The following DHRS3 variants were observed in gnomAD, a reference collection of about 807,000 sequenced individuals.
DHRS3 encodes the protein dehydrogenase/reductase 3.
DHRS3 carries 14 observed loss-of-function variants against 27.2 expected under a neutral mutation model. That is an observed-to-expected ratio of 0.52 (90% confidence interval 0.34 to 0.81). The LOEUF is 0.81. Among genes scored for constraint, DHRS3 ranks in the 30% least tolerant of loss-of-function variants. DHRS3 has a pLI of 0.01. For synonymous variants in DHRS3, 165 were observed against 175.9 expected, an observed-to-expected ratio of 0.94 and a Z score of 0.49; for missense variants, 322 against 406.2, an observed-to-expected ratio of 0.79 and a Z score of 1.78.
At chr1:12,575,906 C>G (rs995100727) in intron 4 of DHRS3, among the ~76,000 whole-genome samples, 2 of 152,028 alleles carry the variant, frequency 1.3e-5, no homozygotes, top group African/African-American at 2.4e-5. Flanking sequence ...AGGGTTTCAC[C>G]GTGTTGGCCA....
intron 1 of DHRS3, among the ~76,000 whole-genome samples, chr1:12,613,378 C>T (rs1232308184): frequency 6.6e-6 from 1 of 152,196 alleles, no homozygotes; most frequent in Non-Finnish European, 1.5e-5. Context: ...TGTGCCTTCA[C>T]TGTAAGCACC....
At chr1:12,589,005 G>A (rs181047101) in intron 1 of DHRS3, among the ~76,000 whole-genome samples, 19 of 152,360 alleles carry the variant, frequency 1.2e-4, no homozygotes, top group African/African-American at 4.6e-4. Flanking sequence ...TGGGCGGTGG[G>A]GTGGGAAGGT....
rs144047464 is a variant in DHRS3 at position 12,592,073 on chromosome 1, A to AG, written c.196-11408dup. On this transcript the variant is annotated intron_variant, in intron 1 of 5. Coordinates refer to ENST00000616661, the MANE Select transcript of DHRS3 (RefSeq NM_004753.7). The surrounding 1 kb of genome is among the most constrained non-coding windows in gnomAD (Gnocchi z 4.2). The stretch of plus-strand genomic sequence containing the variant: ...GTGCCCAGGGCTGGTGTTTGCTGTG[A>AG]GGGGGTATGGGGTTTGCCTGGAGCA... 9.7e-3 allele frequency among the ~76,000 whole-genome samples: 1,474 copies of AG among 152,112 alleles called. 25 individuals carry two copies. The highest frequency in any genetic ancestry group is 0.034 in the African/African-American group (1,416 of 41,478).
At chr1:12,598,697 A>G (rs923642773) in intron 1 of DHRS3, among the ~76,000 whole-genome samples, 1 of 152,196 alleles carries the variant, frequency 6.6e-6, no homozygotes, top group Non-Finnish European at 1.5e-5. Context: ...AGTCCAAAAC[A>G]TCAGACCTAT....
Position 12,608,288 on chromosome 1 carries a change from T to G in DHRS3, c.195+8866A>C, listed in dbSNP as rs185532923. ...AATCGTGTATGGTACCACAGACATG[T>G]AGAGTACCACGGTCATGAATATTAC... On this transcript the variant is annotated intron_variant, in intron 1 of 5. Transcript: ENST00000616661. The surrounding 1 kb of genome is among the most constrained non-coding windows in gnomAD (Gnocchi z 4.1). Among the ~76,000 whole-genome samples, 418 of 152,276 alleles carry G rather than the reference T, an allele frequency of 2.7e-3. No homozygotes were observed. Among genetic ancestry groups the G allele is most frequent in the Middle Eastern group, 6.8e-3 (2 of 294 alleles).
chr1:12,572,996 C>T (rs1646552993), intron 4 of DHRS3, 143 bp from the exon 5 acceptor site: 1 of 1,052,576 alleles, frequency 9.5e-7, no homozygotes, highest in Non-Finnish European at 1.3e-6. Context: ...ACTCCCTCTA[C>T]CCCACACCCA....
intron 1 of DHRS3, among the ~76,000 whole-genome samples, chr1:12,603,064 T>G (rs1646846207): frequency 6.6e-6 from 1 of 152,220 alleles, no homozygotes. Context: ...AGAGGCTGTC[T>G]CAGCCCCGCT....
chr1:12,580,783 G>T (rs1646637643), intron 1 of DHRS3, 117 bp from the exon 2 acceptor site: 6 of 1,225,118 alleles, frequency 4.9e-6, no homozygotes, highest in Non-Finnish European at 4.6e-6. Flanking sequence ...GGCCTCCCTG[G>T]TTCCACCCAA....
rs1387247851 is a variant in DHRS3, at chr1:12,592,324, G to A, written c.196-11658C>T. Among the ~76,000 whole-genome samples the A allele has an allele frequency of 1.3e-5, 2 of 152,186 alleles. No homozygotes were observed. Among genetic ancestry groups the A allele is most frequent in the African/African-American group, 4.8e-5 (2 of 41,448 alleles). On this transcript the variant is annotated intron_variant, in intron 1 of 5. Coordinates refer to ENST00000616661, the MANE Select transcript of DHRS3 (RefSeq NM_004753.7). The surrounding 1 kb of genome is among the most constrained non-coding windows in gnomAD (Gnocchi z 4.2). Reference sequence around the variant, plus strand: ...GAATGTGACCTTATGCTGAAAGAGGGTCTTTGGAATTGAGTAGCTGTAATT... The same window carrying A: ...GAATGTGACCTTATGCTGAAAGAGGATCTTTGGAATTGAGTAGCTGTAATT...
intron 1 of DHRS3, among the ~76,000 whole-genome samples, chr1:12,607,806 T>TG: frequency 6.6e-6 from 1 of 152,240 alleles, no homozygotes; most frequent in South Asian, 2.1e-4. Flanking sequence ...TGTAACTTGA[T>TG]GAAGTTTATG....
chr1:12,598,006 A>G (rs1389468276), intron 1 of DHRS3, among the ~76,000 whole-genome samples: 2 of 152,184 alleles, frequency 1.3e-5, no homozygotes, highest in East Asian at 3.9e-4. Context: ...ACGCTCCCCC[A>G]GGCAGCAGGA....
intron 1 of DHRS3, among the ~76,000 whole-genome samples, chr1:12,610,244 A>ATTT (rs113026130): frequency 7.0e-5 from 10 of 142,502 alleles, no homozygotes; most frequent in African/African-American, 2.1e-4. Flanking sequence ...ATGCCCAGCA[A>ATTT]TTTTTTTTTT....
At chr1:12,598,514 C>T (rs1646814784) in intron 1 of DHRS3, among the ~76,000 whole-genome samples, 1 of 152,206 alleles carries the variant, frequency 6.6e-6, no homozygotes, top group African/African-American at 2.4e-5. Context: ...TAAAATCCTA[C>T]ATTTATTTTT....
intron 5 of DHRS3, among the ~76,000 whole-genome samples, chr1:12,568,652 G>A (rs568209622): frequency 1.3e-5 from 2 of 152,300 alleles, no homozygotes; most frequent in African/African-American, 2.4e-5. Flanking sequence ...GAGGCTGGGC[G>A]CGGTGGCTCA....
At chr1:12,585,112 G>A (rs1269235276) in intron 1 of DHRS3, among the ~76,000 whole-genome samples, 1 of 139,506 alleles carries the variant, frequency 7.2e-6, no homozygotes, top group African/African-American at 2.7e-5. Flanking sequence ...TATGTGTCTG[G>A]GTGTCTCTGT....
intron 1 of DHRS3, among the ~76,000 whole-genome samples, chr1:12,604,798 C>G (rs975551035): frequency 6.6e-6 from 1 of 152,140 alleles, no homozygotes; most frequent in Non-Finnish European, 1.5e-5. Context: ...CGCCTGTAAT[C>G]CCCGCACTTT....
At chr1:12,602,765 G>T (rs773748595) in intron 1 of DHRS3, among the ~76,000 whole-genome samples, 2 of 152,238 alleles carry the variant, frequency 1.3e-5, no homozygotes, top group Non-Finnish European at 2.9e-5. Flanking sequence ...CTCGCCCAAG[G>T]TCACACAGCA....
chr1:12,583,778 C>T (rs1646668552), intron 1 of DHRS3, among the ~76,000 whole-genome samples: 1 of 151,954 alleles, frequency 6.6e-6, no homozygotes, highest in Admixed American at 6.6e-5. Flanking sequence ...GTCCATCCAT[C>T]CATGCATCCA....
intron 4 of DHRS3, among the ~76,000 whole-genome samples, chr1:12,576,319 T>A (rs1380186299): frequency 6.6e-6 from 1 of 151,784 alleles, no homozygotes. Context: ...TCCCAGCACT[T>A]TGGGAGGCCG....
Sources: gnomAD v4.1 joint callset for allele counts (sites outside exome capture counted in the v4.1 genomes callset) on GRCh38, gnomAD v4.1.1 for gene constraint, Gnocchi (gnomAD v3.1) non-coding constraint, MANE v1.5 for transcripts, NCBI Gene and HGNC (gene_info 2026-07-23, HGNC 2026-07-21) for gene names.